The following MTMR9 variants were observed in gnomAD, a reference collection of about 807,000 sequenced individuals.
The protein encoded by MTMR9 is myotubularin-related protein 9.
MTMR9 carries 39 observed loss-of-function variants against 69.5 expected under a neutral mutation model. The observed-to-expected ratio is 0.56, with a 90% CI of 0.43 to 0.73. The LOEUF (loss-of-function observed/expected upper bound fraction) is 0.73, where lower values mean the gene tolerates loss of function less well. MTMR9 is among the 30% of genes least tolerant of loss of function. MTMR9 has a pLI of 0.00. For synonymous variants in MTMR9, 354 were observed against 240.8 expected (o/e 1.47, Z -4.35); for missense variants, 900 against 671.2 (o/e 1.34, Z -3.77).
intron 1 of MTMR9, among the ~76,000 whole-genome samples, chr8:11,288,119 A>G (rs1252435213): frequency 1.5e-5 from 2 of 133,244 alleles, no homozygotes; most frequent in East Asian, 2.1e-4. Context: ...ATATTAAATA[A>G]TTATTCACCT....
intron 1 of MTMR9, among the ~76,000 whole-genome samples, chr8:11,293,407 G>A (rs982066808): frequency 3.9e-5 from 6 of 152,168 alleles, no homozygotes; most frequent in African/African-American, 1.4e-4. Context: ...AGTAAGGTAA[G>A]GTTAATTTAT....
intron 5 of MTMR9, among the ~76,000 whole-genome samples, chr8:11,309,006 C>G (rs1648494868): frequency 6.6e-6 from 1 of 152,180 alleles, no homozygotes; most frequent in South Asian, 2.1e-4. Context: ...GATTTAATTT[C>G]TCCCCATATC....
chr8:11,301,714 G>A lies in MTMR9; in HGVS notation c.417+1566G>A, dbSNP rs1007049272. 2.0e-5 allele frequency among the ~76,000 whole-genome samples: 3 copies of A among 149,480 alleles called. No individual in the cohort carries two copies. The South Asian group carries it at 6.4e-4, about 32-fold the overall frequency. On this transcript the variant is annotated intron_variant, in intron 3 of 9. Coordinates refer to ENST00000221086, the MANE Select transcript of MTMR9 (RefSeq NM_015458.4). The stretch of plus-strand genomic sequence containing the variant: ...CTCATGAAATTGTGTAGTCAAAATG[G>A]ATTCAGTTTATTTTTTATAAGTTTT...
downstream of MTMR9, among the ~76,000 whole-genome samples, chr8:11,329,756 C>T (rs1420959481): frequency 1.9e-4 from 29 of 152,290 alleles, no homozygotes; most frequent in African/African-American, 6.5e-4. Flanking sequence ...AAGGGAGGAG[C>T]GTCTCCGCCT....
chr8:11,305,315 G>T (rs1799899581), intron 4 of MTMR9, among the ~76,000 whole-genome samples: 1 of 152,132 alleles, frequency 6.6e-6, no homozygotes, highest in Non-Finnish European at 1.5e-5. Context: ...CATTCTTCTG[G>T]TAGAAAAATG....
the MTMR9 span, among the ~76,000 whole-genome samples, chr8:11,334,037 C>T: frequency 6.6e-6 from 1 of 152,196 alleles, no homozygotes; most frequent in African/African-American, 2.4e-5. Context: ...TTTTCTGTCT[C>T]ACACACTGTC....
At chr8:11,317,639 C>G (rs561034262) in intron 8 of MTMR9, 3 of 152,238 alleles carry the variant, frequency 2.0e-5, no homozygotes, top group African/African-American at 7.2e-5. Flanking sequence ...TTGGGGATCC[C>G]TGGCCTAAAT....
At chr8:11,332,904 G>A (rs191973743), downstream of MTMR9, among the ~76,000 whole-genome samples, 11 of 152,238 alleles carry the variant, frequency 7.2e-5, no homozygotes, top group Admixed American at 2.6e-4. Flanking sequence ...CCAGCCTTCC[G>A]TAGAGTTTTT....
chr8:11,305,293 T>C (rs1447805380), intron 4 of MTMR9, among the ~76,000 whole-genome samples: 1 of 152,258 alleles, frequency 6.6e-6, no homozygotes, highest in Non-Finnish European at 1.5e-5. Flanking sequence ...GTTTATTTGA[T>C]GCTTACAGCA....
At chr8:11,300,173 G>C in intron 3 of MTMR9, 25 bp downstream of exon 3, 1 of 1,609,810 alleles carries the variant, frequency 6.2e-7, no homozygotes, top group Non-Finnish European at 8.5e-7. Context: ...GAGAACTGTG[G>C]ATTATGAGAA....
chr8:11,298,661 TCTC>T, intron 2 of MTMR9: 3 of 692,696 alleles, frequency 4.3e-6, no homozygotes, highest in Non-Finnish European at 3.6e-6. Flanking sequence ...CAGGTGAATG[TCTC>T]CATCATTCCT....
At chr8:11,299,902 G>C in intron 2 of MTMR9, 121 bp from the exon 3 acceptor site, 1 of 1,170,984 alleles carries the variant, frequency 8.5e-7, no homozygotes, top group Non-Finnish European at 1.2e-6. Context: ...CACAATGTTA[G>C]AGAAACATTC....
chr8:11,294,173 C>T lies in MTMR9; in HGVS notation c.183-1021C>T, dbSNP rs564384081. On this transcript the variant is annotated intron_variant, in intron 1 of 9. Transcript: ENST00000221086. ...AAAATTCTGGGTACATTTACACAAT[C>T]GTCATCTGCAAATAAAGGTAGTTTT... Among the ~76,000 whole-genome samples the T allele has an allele frequency of 6.7e-4, 102 of 152,262 alleles. 4 individuals carry two copies. In the South Asian group the frequency reaches 0.018, roughly 28 times the overall value.
At chr8:11,321,330 T>C (rs1015646863) in intron 9 of MTMR9, 1 of 446,304 alleles carries the variant, frequency 2.2e-6, no homozygotes, top group East Asian at 7.0e-5. Context: ...GTTCATGATC[T>C]CTTAAACGAG....
rs751624412 is a variant in MTMR9 at position 11,319,713 on chromosome 8, C to T, written c.1361C>T (p.Thr454Met). 9 of 1,613,862 alleles carry T rather than the reference C, an allele frequency of 5.6e-6. No individual in the cohort carries two copies. The highest frequency in any genetic ancestry group is 1.1e-5 in the South Asian group (1 of 91,072). ...ERCKLKLQQK[T>M]MSLWSWVNQP... ...TGTAAGTTGAAGCTACAGCAGAAGA[C>T]GATGTCTTTGTGGTCCTGGGTTAAT... The change falls in exon 9 of 10, where the codon ACG becomes ATG. Residue 454 changes from threonine (T) to methionine (M), a missense_variant. Coordinates refer to ENST00000221086, the MANE Select transcript of MTMR9 (RefSeq NM_015458.4).
Position 11,322,749 on chromosome 8 carries a change from A to G in MTMR9, c.1611A>G (p.Ala537=), listed in dbSNP as rs1432469659. 1.9e-6 allele frequency: 3 copies of G among 1,614,102 alleles called. No individual in the cohort carries two copies. In the South Asian group the frequency reaches 3.3e-5, roughly 18 times the overall value. Residue 537 remains alanine (A), a synonymous_variant, in exon 10 of 10, where the codon GCA becomes GCG. Coordinates refer to ENST00000221086, the MANE Select transcript of MTMR9 (RefSeq NM_015458.4). ...TCAATATCCTTCGAAGGCAGTTGGC[A>G]GAACTGGAAACAGAGGACGGGATGC... ...AKVNILRRQL[A]ELETEDGMQE... is the part of the protein sequence containing the mutation.
Position 11,327,507 on chromosome 8 carries a change from A to G in MTMR9, c.*4719A>G, listed in dbSNP as rs530215054. ...ATGCACGTTATCTTTGGAGAGGTGA[A>G]TTATTCTACAAAATGCACCCTAAAT... is the stretch of plus-strand genomic sequence containing the variant. On this transcript the variant is annotated 3_prime_UTR_variant, in exon 10 of 10. Transcript: ENST00000221086. 7 of 152,676 alleles carry G rather than the reference A, an allele frequency of 4.6e-5. No homozygotes were observed. The South Asian group carries it at 1.0e-3, about 23-fold the overall frequency. 9.5% of individuals were successfully genotyped at this position (152,676 alleles called of 1,614,324 possible).
chr8:11,324,296 G>A lies in MTMR9; in HGVS notation c.*1508G>A, dbSNP rs1334757858. 1.3e-5 allele frequency: 2 copies of A among 152,032 alleles called. No individual in the cohort carries two copies. 9.4% of individuals were successfully genotyped at this position (152,032 alleles called of 1,614,324 possible). ...CAATTGCCCAATTCATCTTTCTTCT[G>A]CTTCCTCAGCCTTGTAGCAAAGGCT... On this transcript the variant is annotated 3_prime_UTR_variant, in exon 10 of 10. Transcript: ENST00000221086.
At chr8:11,308,957 C>G (rs1404626682) in intron 5 of MTMR9, among the ~76,000 whole-genome samples, 2 of 152,160 alleles carry the variant, frequency 1.3e-5, no homozygotes, top group African/African-American at 2.4e-5. Context: ...AACAGATTTG[C>G]TACATATACT....
Sources: allele counts gnomAD v4.1 joint callset (sites outside exome capture counted in the v4.1 genomes callset), GRCh38; gene constraint gnomAD v4.1.1; transcripts MANE v1.5; gene names NCBI Gene and HGNC (gene_info 2026-07-23, HGNC 2026-07-21).